SH3BP5L: variants seen among roughly 807,000 people sequenced by gnomAD.
The protein encoded by SH3BP5L is SH3 domain-binding protein 5-like.
SH3BP5L carries 16 observed loss-of-function variants against 40.9 expected under a neutral mutation model. The observed-to-expected ratio is 0.39, with a 90% CI of 0.27 to 0.59. The LOEUF (loss-of-function observed/expected upper bound fraction) is 0.59, where lower values mean the gene tolerates loss of function less well. Ranked by LOEUF, SH3BP5L falls within the 20% of genes least tolerant of loss-of-function variation. The probability of loss-of-function intolerance (pLI) is 0.53; values close to 1 mark genes in which losing one functional copy is unlikely to be tolerated. For missense variants in SH3BP5L, 471 were observed against 544.6 expected, an observed-to-expected ratio of 0.86 and a Z score of 1.35; for synonymous variants, 229 against 226.7, an observed-to-expected ratio of 1.01 and a Z score of -0.09.
In SH3BP5L at chr1:248,821,904, C is replaced by T. The variant is rs1664262266; in HGVS notation, c.183+2849G>A. On this transcript the variant is annotated intron_variant, in intron 2 of 6. Coordinates refer to ENST00000366472, the MANE Select transcript of SH3BP5L (RefSeq NM_030645.3). This position sits in a 1 kb window ranked among gnomAD's most constrained non-coding sequence, Gnocchi z 4.6. Reference sequence around the variant, plus strand: ...GCCCCAGCCCCAGGTCAGACAGGGCCTCATCCGAAGGACAGCCATTTCCGG... The same window carrying T: ...GCCCCAGCCCCAGGTCAGACAGGGCTTCATCCGAAGGACAGCCATTTCCGG... Among the ~76,000 whole-genome samples the T allele has an allele frequency of 6.6e-6, 1 of 152,218 alleles. No individual in the cohort carries two copies. Among genetic ancestry groups the T allele is most frequent in the Non-Finnish European group, 1.5e-5 (1 of 68,040 alleles).
intron 1 of SH3BP5L, 169 bp from the exon 2 acceptor site, chr1:248,825,535 G>A (rs1479095102): frequency 1.0e-5 from 3 of 298,314 alleles, no homozygotes; most frequent in African/African-American, 6.8e-5. Flanking sequence ...AAGGACTTTA[G>A]ATTCTACTCT....
chr1:248,812,272 C>G lies in SH3BP5L; in HGVS notation c.810G>C (p.Gln270His). 1 of 1,612,286 alleles carries G rather than the reference C, an allele frequency of 6.2e-7. No homozygotes were observed. Among genetic ancestry groups the G allele is most frequent in the South Asian group, 1.1e-5 (1 of 91,084 alleles). ...GACCCCCGCGGCGCCGTGCGTGAAT[C>G]TGCTCGCTGATCTGCTCCAGGTTAC... ...ALRNLEQISE[Q>H]IHARRRGGLP... Residue 270 changes from glutamine (Q) to histidine (H), a missense_variant, in exon 7 of 7, where the codon CAG (glutamine) becomes CAC (histidine). By Grantham distance (24) the Gln-to-His change is conservative (BLOSUM62 0). Coordinates refer to ENST00000366472, the MANE Select transcript of SH3BP5L (RefSeq NM_030645.3). The surrounding 1 kb of genome is among the most constrained non-coding windows in gnomAD (Gnocchi z 6.1).
chr1:248,814,485 G>A lies in SH3BP5L; in HGVS notation c.501C>T (p.Pro167=), dbSNP rs1324496133. 5 of 1,614,230 alleles carry A rather than the reference G, an allele frequency of 3.1e-6. No individual in the cohort carries two copies. Among genetic ancestry groups the A allele is most frequent in the Non-Finnish European group, 4.2e-6 (5 of 1,180,046 alleles). ...GVMADKNRLD[P]TWQEMLNHAT... Reference sequence around the variant, plus strand: ...CATGGTTCAGCATCTCCTGCCACGTGGGGTCCAGTCGGTTCTTGTCAGCCA... The same window carrying A: ...CATGGTTCAGCATCTCCTGCCACGTAGGGTCCAGTCGGTTCTTGTCAGCCA... The change falls in exon 5 of 7, where the codon CCC becomes CCT. Residue 167 remains proline (P), a synonymous_variant. Transcript: ENST00000366472.
In SH3BP5L at chr1:248,811,479, C is replaced by CTGA; in HGVS notation, c.*420_*421insTCA. On this transcript the variant is annotated 3_prime_UTR_variant, in exon 7 of 7. Transcript: ENST00000366472. Reference sequence around the variant, plus strand: ...ACCAACGGGAGGGGTGACTGTCCATCCCCTCCGACGGGAGTACTCAGGCCC... The same window carrying CTGA: ...ACCAACGGGAGGGGTGACTGTCCATCTGACCCTCCGACGGGAGTACTCAGGCCC... 1 of 173,988 alleles carries CTGA rather than the reference C, an allele frequency of 5.7e-6. No homozygotes were observed. Among genetic ancestry groups the CTGA allele is most frequent in the Non-Finnish European group, 1.2e-5 (1 of 82,908 alleles). The allele number at this position is 173,988 out of a possible 1,614,324, so 10.8% of individuals were successfully genotyped here.
At chr1:248,820,228 G>A (rs1664220973) in intron 2 of SH3BP5L, among the ~76,000 whole-genome samples, 1 of 152,094 alleles carries the variant, frequency 6.6e-6, no homozygotes, top group African/African-American at 2.4e-5. Context: ...GGAAGAACAG[G>A]CAGCCAACAC....
At chr1:248,818,688 A>C (rs7548230) in intron 2 of SH3BP5L, among the ~76,000 whole-genome samples, 42,562 of 152,162 alleles carry the variant, frequency 0.28, 9,256 homozygotes, top group African/African-American at 0.58. Flanking sequence ...CATGAAATGG[A>C]AGAGAGCTGA....
Position 248,812,018 on chromosome 1 carries a change from C to T in SH3BP5L, c.1064G>A (p.Arg355Gln), listed in dbSNP as rs1282460181. 1 of 1,611,640 alleles carries T rather than the reference C, an allele frequency of 6.2e-7. No individual in the cohort carries two copies. Among genetic ancestry groups the T allele is most frequent in the East Asian group, 2.2e-5 (1 of 44,798 alleles). ...LQKCDSVEHL[R>Q]GLSDHVSLDG... Reference sequence around the variant, plus strand: ...CAGACTGACGTGGTCCGAGAGGCCTCGCAAGTGCTCCACGGAGTCGCACTT... The same window carrying T: ...CAGACTGACGTGGTCCGAGAGGCCTTGCAAGTGCTCCACGGAGTCGCACTT... Residue 355 changes from arginine (R) to glutamine (Q), a missense_variant, in exon 7 of 7, where the codon CGA (arginine) becomes CAA (glutamine). This residue lies in a region of SH3BP5L where 196 missense variants were observed against 174.6 expected (regional missense o/e 1.12). Transcript: ENST00000366472. The surrounding 1 kb of genome is among the most constrained non-coding windows in gnomAD (Gnocchi z 6.1).
Position 248,824,944 on chromosome 1 carries a change from G to T in SH3BP5L, c.-9C>A, listed in dbSNP as rs144971740. On this transcript the variant is annotated 5_prime_UTR_variant, in exon 2 of 7. Coordinates refer to ENST00000366472, the MANE Select transcript of SH3BP5L (RefSeq NM_030645.3). The stretch of plus-strand genomic sequence containing the variant: ...TGTCTGAGCTCAGCCATGCTGACAG[G>T]GGGAGGGCAGAGCCCTATGCACAAG... The T allele has an allele frequency of 6.2e-7, 1 of 1,610,556 alleles. No homozygotes were observed. Among genetic ancestry groups the T allele is most frequent in the Non-Finnish European group, 8.5e-7 (1 of 1,178,632 alleles).
rs774802756 is a variant in SH3BP5L at position 248,812,171 on chromosome 1, C to T, written c.911G>A (p.Gly304Glu). The T allele has an allele frequency of 6.3e-7, 1 of 1,598,514 alleles. No individual in the cohort carries two copies. The change falls in exon 7 of 7, where the codon GGA becomes GAA. Residue 304 changes from glycine (G) to glutamate (E), a missense_variant. Coordinates refer to ENST00000366472, the MANE Select transcript of SH3BP5L (RefSeq NM_030645.3). This position sits in a 1 kb window ranked among gnomAD's most constrained non-coding sequence, Gnocchi z 6.1. ...AEAGPEDMEDGDSGIEGAEGA... is the reference protein window; with the variant it reads ...AEAGPEDMEDEDSGIEGAEGA... ...CTCGGCCCCCTCAATCCCGCTGTCT[C>T]CGTCCTCCATGTCCTCGGGTCCTGC...
rs141021891 is a variant in SH3BP5L, at chr1:248,814,615, G to T, written c.376-5C>A. The T allele has an allele frequency of 1.2e-6, 2 of 1,614,184 alleles. No homozygotes were observed. The highest frequency in any genetic ancestry group is 1.7e-6 in the Non-Finnish European group (2 of 1,180,038). ...CTTCTGTGTCTCCTGCTGAGCCTGGGGGGAGAGGGATATCAGGATGGGGAA... is the reference window on the plus strand; with the variant it reads ...CTTCTGTGTCTCCTGCTGAGCCTGGTGGGAGAGGGATATCAGGATGGGGAA... On this transcript the variant is annotated splice_region_variant and splice_polypyrimidine_tract_variant and intron_variant, in intron 4 of 6. Transcript: ENST00000366472.
At position 248,811,868 on chromosome 1, in the gene SH3BP5L, G is replaced by T; in HGVS notation, c.*32C>A. The T allele has an allele frequency of 1.4e-6, 2 of 1,434,514 alleles. No homozygotes were observed. Among genetic ancestry groups the T allele is most frequent in the Non-Finnish European group, 1.9e-6 (2 of 1,072,530 alleles). 88.9% of individuals were successfully genotyped at this position (1,434,514 alleles called of 1,614,324 possible). ...TGTGGGCCCCAACCGGCCCGTGGTG[G>T]CAGATTCAAGCCAGGAACCCTGGCC... On this transcript the variant is annotated 3_prime_UTR_variant, in exon 7 of 7. Coordinates refer to ENST00000366472, the MANE Select transcript of SH3BP5L (RefSeq NM_030645.3).
At chr1:248,824,678 C>A in intron 2 of SH3BP5L, 75 bp downstream of exon 2, 2 of 1,545,668 alleles carry the variant, frequency 1.3e-6, no homozygotes, top group African/African-American at 1.4e-5. Context: ...TAAGTCTAAG[C>A]CCTCATTCAT....
chr1:248,816,288 A>C (rs1664102441), intron 4 of SH3BP5L: 1 of 484,214 alleles, frequency 2.1e-6, no homozygotes, highest in Non-Finnish European at 3.8e-6. Flanking sequence ...GAAGGCACTT[A>C]AACATTAGCA....
intron 2 of SH3BP5L, among the ~76,000 whole-genome samples, chr1:248,822,468 G>A (rs1037874180): frequency 6.6e-6 from 1 of 152,096 alleles, no homozygotes; most frequent in Admixed American, 6.5e-5. Context: ...ATTCCACAAC[G>A]TGTTGTGCAG....
intron 4 of SH3BP5L, 164 bp from the exon 5 acceptor site, chr1:248,814,774 TA>T (rs775408658): frequency 2.6e-6 from 2 of 758,356 alleles, no homozygotes; most frequent in South Asian, 2.9e-5. Context: ...CAACATTCTA[TA>T]AAGAATATTT....
chr1:248,825,881 TCCCC>T lies in SH3BP5L; in HGVS notation c.-482_-479del. 3 of 941,704 alleles carry T rather than the reference TCCCC, an allele frequency of 3.2e-6. No homozygotes were observed. Among genetic ancestry groups the T allele is most frequent in the Non-Finnish European group, 3.8e-6 (3 of 794,064 alleles). 58.3% of individuals were successfully genotyped at this position (941,704 alleles called of 1,614,324 possible). A position where few individuals can be genotyped will look rare whatever the true frequency, so the allele number is the denominator to read the frequency against. On this transcript the variant is annotated 5_prime_UTR_variant, in exon 1 of 7. Transcript: ENST00000366472. ...CGGAGCTTCTATGCTGCAAACAATC[TCCCC>T]CCCTCCCTCCCCGCAACAAGCCGAT...
At chr1:248,818,862 C>A (rs945288480) in intron 2 of SH3BP5L, among the ~76,000 whole-genome samples, 3 of 152,246 alleles carry the variant, frequency 2.0e-5, no homozygotes, top group Admixed American at 1.3e-4. Context: ...CCTTCACCAG[C>A]CCCTGCTGTC....
intron 2 of SH3BP5L, chr1:248,817,155 G>A (rs1664132268): frequency 1.1e-6 from 1 of 925,278 alleles, no homozygotes; most frequent in Non-Finnish European, 1.6e-6. Flanking sequence ...GAGGTTTGGA[G>A]AATGCAACAC....
chr1:248,820,708 G>C (rs1445139760), intron 2 of SH3BP5L: 2 of 152,162 alleles, frequency 1.3e-5, no homozygotes, highest in African/African-American at 4.8e-5. Flanking sequence ...AGCCCACGTA[G>C]GAAAAGGACA....
Sources: allele counts gnomAD v4.1 joint callset (sites outside exome capture counted in the v4.1 genomes callset), GRCh38; gene constraint gnomAD v4.1.1; regional missense constraint gnomAD v4.1.1; non-coding constraint Gnocchi (gnomAD v3.1); transcripts MANE v1.5; gene names NCBI Gene and HGNC (gene_info 2026-07-23, HGNC 2026-07-21).